Variants in SPOCK3 observed in about 807,000 individuals in gnomAD.
SPOCK3 encodes testican-3.
In SPOCK3, 30 loss-of-function variants were observed where a neutral mutation model predicts 56.6. The ratio of observed to expected loss-of-function variants is 0.53; its 90% CI spans 0.40 to 0.72. The LOEUF (loss-of-function observed/expected upper bound fraction) is 0.72, where lower values mean the gene tolerates loss of function less well. SPOCK3 is among the 30% of genes least tolerant of loss of function. The probability of loss-of-function intolerance (pLI) is 0.00; values close to 1 mark genes in which losing one functional copy is unlikely to be tolerated. For missense variants in SPOCK3, 527 were observed against 530.0 expected, an observed-to-expected ratio of 0.99 and a Z score of 0.06; for synonymous variants, 196 against 183.3, an observed-to-expected ratio of 1.07 and a Z score of -0.56.
chr4:167,096,483 T>C (rs1759163958), intron 2 of SPOCK3, among the ~76,000 whole-genome samples: 1 of 151,860 alleles, frequency 6.6e-6, no homozygotes, highest in Non-Finnish European at 1.5e-5. Flanking sequence ...CTAATTATTT[T>C]TTAAACATCT....
intron 4 of SPOCK3, among the ~76,000 whole-genome samples, chr4:166,942,484 AAAC>A (rs1280514935): frequency 2.4e-4 from 36 of 151,486 alleles, no homozygotes; most frequent in African/African-American, 8.0e-4. Flanking sequence ...AAAAAAAAAA[AAAC>A]AAAAGTTAAA....
At chr4:167,078,203 G>C (rs1757372436) in intron 2 of SPOCK3, among the ~76,000 whole-genome samples, 4 of 151,716 alleles carry the variant, frequency 2.6e-5, no homozygotes, top group Non-Finnish European at 2.9e-5. Context: ...AAGAAATCTA[G>C]AAACTACAGG....
chr4:167,031,978 T>C (rs946687997), intron 3 of SPOCK3, among the ~76,000 whole-genome samples: 2 of 152,032 alleles, frequency 1.3e-5, no homozygotes, highest in African/African-American at 4.8e-5. Flanking sequence ...TTTGTTTAAC[T>C]TAGCCAGGGC....
At chr4:166,907,686 G>A (rs757709735) in intron 5 of SPOCK3, among the ~76,000 whole-genome samples, 4 of 151,896 alleles carry the variant, frequency 2.6e-5, no homozygotes, top group Non-Finnish European at 4.4e-5. Flanking sequence ...GGTTTACCTC[G>A]CAGAATATGA....
intron 6 of SPOCK3, among the ~76,000 whole-genome samples, chr4:166,812,139 A>T (rs1427205558): frequency 1.3e-5 from 2 of 151,818 alleles, no homozygotes; most frequent in Non-Finnish European, 1.5e-5. Flanking sequence ...AATATCTTTG[A>T]TTTAACAAAT....
chr4:166,737,331 C>T, intron 10 of SPOCK3, 136 bp downstream of exon 10: 2 of 877,312 alleles, frequency 2.3e-6, no homozygotes, highest in Non-Finnish European at 3.3e-6. Context: ...TTTTTTTTGT[C>T]ACTCCCTCCA....
At chr4:166,894,233 C>T (rs1735104704) in intron 5 of SPOCK3, among the ~76,000 whole-genome samples, 2 of 151,926 alleles carry the variant, frequency 1.3e-5, no homozygotes, top group South Asian at 4.1e-4. Flanking sequence ...TTTTATATCA[C>T]AAAATGTTAT....
intron 2 of SPOCK3, among the ~76,000 whole-genome samples, chr4:167,105,304 C>A (rs542369573): frequency 6.4e-4 from 97 of 151,444 alleles, no homozygotes; most frequent in Non-Finnish European, 1.0e-3. Flanking sequence ...AGTGGAGGAA[C>A]AAAGTTAAAA....
chr4:166,733,392 C>T lies in SPOCK3; in HGVS notation c.*1529G>A, dbSNP rs1315948805. 1 of 151,640 alleles carries T rather than the reference C, an allele frequency of 6.6e-6. No individual in the cohort carries two copies. Among genetic ancestry groups the T allele is most frequent in the African/African-American group, 2.4e-5 (1 of 41,374 alleles). The allele number at this position is 151,640 out of a possible 1,614,324, so 9.4% of individuals were successfully genotyped here. The stretch of plus-strand genomic sequence containing the variant: ...ATTGAGGAACAGTTCAATTTGGTTA[C>T]AAGATTCTTTATTTTGTAAACTATA... On this transcript the variant is annotated 3_prime_UTR_variant, in exon 11 of 11. Transcript: ENST00000357545.
chr4:166,976,487 G>A (rs1579868174), intron 4 of SPOCK3, among the ~76,000 whole-genome samples: 1 of 152,056 alleles, frequency 6.6e-6, no homozygotes, highest in East Asian at 1.9e-4. Flanking sequence ...GAAACTCTCA[G>A]TCTTGACTTC....
intron 4 of SPOCK3, among the ~76,000 whole-genome samples, chr4:166,937,739 T>A (rs1740585242): frequency 7.1e-6 from 1 of 141,604 alleles, no homozygotes; most frequent in South Asian, 2.2e-4. Flanking sequence ...TTATATATAT[T>A]TTTTCTTTTT....
At chr4:167,202,171 C>T (rs1733579505) in intron 2 of SPOCK3, among the ~76,000 whole-genome samples, 1 of 151,952 alleles carries the variant, frequency 6.6e-6, no homozygotes, top group African/African-American at 2.4e-5. Flanking sequence ...TGTTAAACTT[C>T]ACTCTTAGAT....
rs564179067 is a variant in SPOCK3, at chr4:166,990,141, C to T, written c.350+10208G>A. ...TGCCCTGGCAGGCACTTTCCAGAAA[C>T]AAGTCTACCCTGTGAAAGAGGAACA... On this transcript the variant is annotated intron_variant, in intron 4 of 10. Coordinates refer to ENST00000357545, the MANE Select transcript of SPOCK3 (RefSeq NM_001040159.2). Among the ~76,000 whole-genome samples the T allele has an allele frequency of 3.9e-5, 6 of 152,296 alleles. No individual in the cohort carries two copies. In the South Asian group the frequency reaches 6.2e-4, roughly 16 times the overall value.
At chr4:167,003,793 T>C (rs532408895) in intron 3 of SPOCK3, among the ~76,000 whole-genome samples, 1 of 152,210 alleles carries the variant, frequency 6.6e-6, no homozygotes, top group African/African-American at 2.4e-5. Flanking sequence ...GACAAGTAAG[T>C]TTTTTTTGGT....
At chr4:167,173,628 G>T (rs971917678) in intron 2 of SPOCK3, among the ~76,000 whole-genome samples, 3 of 152,098 alleles carry the variant, frequency 2.0e-5, no homozygotes, top group African/African-American at 7.2e-5. Context: ...TTCTTTACTG[G>T]CTTGAGCTTT....
intron 4 of SPOCK3, among the ~76,000 whole-genome samples, chr4:166,982,010 G>C (rs1039674218): frequency 1.3e-5 from 2 of 152,184 alleles, no homozygotes; most frequent in East Asian, 3.9e-4. Context: ...GTGGGAACAG[G>C]GGGGATCCTG....
intron 4 of SPOCK3, among the ~76,000 whole-genome samples, chr4:166,946,456 T>C (rs1253390948): frequency 1.3e-5 from 2 of 152,222 alleles, no homozygotes; most frequent in Non-Finnish European, 2.9e-5. Context: ...ATGAGCATGC[T>C]AGCATATTCC....
At chr4:166,766,870 G>C (rs547306167) in intron 7 of SPOCK3, among the ~76,000 whole-genome samples, 5 of 152,114 alleles carry the variant, frequency 3.3e-5, no homozygotes, top group Admixed American at 3.3e-4. Flanking sequence ...TTCGGAACCT[G>C]TTATTGGTCT....
chr4:167,206,285 T>C (rs2110990385), intron 2 of SPOCK3, among the ~76,000 whole-genome samples: 2 of 151,906 alleles, frequency 1.3e-5, no homozygotes. Flanking sequence ...GATCTTGCCA[T>C]TGCACTCCAG....
Sources: allele counts gnomAD v4.1 joint callset (sites outside exome capture counted in the v4.1 genomes callset), GRCh38; gene constraint gnomAD v4.1.1; transcripts MANE v1.5; gene names NCBI Gene and HGNC (gene_info 2026-07-23, HGNC 2026-07-21).